Variants in CACNA1C observed in about 807,000 individuals in gnomAD.
The protein encoded by CACNA1C is voltage-dependent L-type calcium channel subunit alpha-1C.
A neutral mutation model predicts 229.0 loss-of-function variants in CACNA1C; 30 were observed. The observed-to-expected ratio is 0.13, with a 90% CI of 0.10 to 0.18. CACNA1C has a LOEUF of 0.18. CACNA1C is among the 10% of genes least tolerant of loss of function. CACNA1C has a pLI of 1.00. For synonymous variants in CACNA1C, 1,114 were observed against 1,132.5 expected, an observed-to-expected ratio of 0.98 and a Z score of 0.33; for missense variants, 1,658 against 2,845.0, an observed-to-expected ratio of 0.58 and a Z score of 9.49.
chr12:2,684,208 G>C (rs1265705122), intron 43 of CACNA1C, among the ~76,000 whole-genome samples: 1 of 152,166 alleles, frequency 6.6e-6, no homozygotes, highest in Admixed American at 6.5e-5. Flanking sequence ...AGCATAGAAA[G>C]AAGAATCGAG....
intron 3 of CACNA1C, among the ~76,000 whole-genome samples, chr12:2,161,045 C>T (rs1193858216): frequency 6.6e-6 from 1 of 152,226 alleles, no homozygotes; most frequent in African/African-American, 2.4e-5. Context: ...TGGTCTCGAA[C>T]TTCTGGCCTC....
At chr12:2,138,908 T>A (rs1368082603) in intron 3 of CACNA1C, among the ~76,000 whole-genome samples, 1 of 150,722 alleles carries the variant, frequency 6.6e-6, no homozygotes, top group Non-Finnish European at 1.5e-5. Flanking sequence ...AAGTTTTCTC[T>A]GCTCCTCCAT....
intron 3 of CACNA1C, among the ~76,000 whole-genome samples, chr12:2,364,309 G>A (rs1209153925): frequency 6.6e-6 from 1 of 152,192 alleles, no homozygotes; most frequent in Non-Finnish European, 1.5e-5. Flanking sequence ...GTCTCTGAGA[G>A]TTGGTTTTCA....
At position 2,597,156 on chromosome 12, in the gene CACNA1C, C is replaced by A; in HGVS notation, c.2794-74C>A. On this transcript the variant is annotated intron_variant, in intron 20 of 46. Coordinates refer to ENST00000399655, the MANE Select transcript of CACNA1C (RefSeq NM_000719.7). The surrounding 1 kb of genome is among the most constrained non-coding windows in gnomAD (Gnocchi z 4.3). ...TGTGGCCCCTTTTCTGGTGAACATC[C>A]ACTGACCTCTCTTCCCGTCCTGCTT... 1.1e-6 allele frequency: 1 copy of A among 928,080 alleles called. No homozygotes were observed. The highest frequency in any genetic ancestry group is 1.8e-6 in the Non-Finnish European group (1 of 570,252). 57.5% of individuals were successfully genotyped at this position (928,080 alleles called of 1,614,324 possible).
chr12:2,000,012 T>C lies in CACNA1C; in HGVS notation c.139+28811T>C, dbSNP rs568758969. On this transcript the variant is annotated intron_variant, in intron 1 of 46. Coordinates refer to the CACNA1C transcript ENST00000682462. ...TAATTCCTATCTGCTGACAAATGTATATCCTGAGTGTACCTGAAGCACTAA... is the reference window on the plus strand; with the variant it reads ...TAATTCCTATCTGCTGACAAATGTACATCCTGAGTGTACCTGAAGCACTAA... Among the ~76,000 whole-genome samples, 22 of 152,314 alleles carry C rather than the reference T, an allele frequency of 1.4e-4. No homozygotes were observed. In the South Asian group the frequency reaches 1.9e-3, roughly 13 times the overall value.
chr12:2,546,916 G>A (rs1348791078), intron 9 of CACNA1C, among the ~76,000 whole-genome samples: 1 of 152,226 alleles, frequency 6.6e-6, no homozygotes, highest in Non-Finnish European at 1.5e-5. Context: ...ACCTGCAGGT[G>A]ACTCCATCCA....
intron 5 of CACNA1C, among the ~76,000 whole-genome samples, chr12:2,482,193 G>A (rs540972842): frequency 7.9e-5 from 12 of 152,370 alleles, no homozygotes; most frequent in South Asian, 2.1e-4. Flanking sequence ...AGATGGAAGC[G>A]AGAGCCTTTC....
In CACNA1C at chr12:2,486,784, G is replaced by A. The variant is rs1166644995; in HGVS notation, c.916+522G>A. ...ATTGTTTCTGCTTCTCCATTCACAG[G>A]CAGATGCCCCAGAGCCCCTATTCCA... On this transcript the variant is annotated intron_variant, in intron 6 of 46. Transcript: ENST00000399655. The surrounding 1 kb of genome is among the most constrained non-coding windows in gnomAD (Gnocchi z 4.9). Among the ~76,000 whole-genome samples, 1 of 152,126 alleles carries A rather than the reference G, an allele frequency of 6.6e-6. No individual in the cohort carries two copies. The highest frequency in any genetic ancestry group is 2.4e-5 in the African/African-American group (1 of 41,422).
rs148080334 is a variant in CACNA1C at position 2,223,118 on chromosome 12, C to A, written c.477+102688C>A. ...CTTGATTGTTCAAGGACAGGGATAT[C>A]CTACTTGGCTCTGCAAGACTCATAG... On this transcript the variant is annotated intron_variant, in intron 3 of 46. Transcript: ENST00000399655. 5.5e-3 allele frequency among the ~76,000 whole-genome samples: 831 copies of A among 152,272 alleles called. 3 individuals carry two copies. Among genetic ancestry groups the A allele is most frequent in the Middle Eastern group, 0.014 (4 of 294 alleles).
At chr12:2,572,297 TTCCTCCTCCTCC>T (rs144703116) in intron 13 of CACNA1C, among the ~76,000 whole-genome samples, 2 of 111,802 alleles carry the variant, frequency 1.8e-5, no homozygotes, top group African/African-American at 3.5e-5. Flanking sequence ...TTGATTATTA[TTCCTCCTCCTCC>T]TCCTCCTCCT....
intron 3 of CACNA1C, among the ~76,000 whole-genome samples, chr12:2,426,369 G>C (rs762450038): frequency 7.2e-5 from 11 of 152,208 alleles, no homozygotes; most frequent in Non-Finnish European, 1.5e-4. Flanking sequence ...TAAGTGCCAA[G>C]AGAGTGGCAT....
intron 42 of CACNA1C, chr12:2,680,421 AG>A: frequency 1.9e-6 from 3 of 1,561,344 alleles, no homozygotes; most frequent in Non-Finnish European, 2.6e-6. Flanking sequence ...GGGCCCCCGC[AG>A]GGCTCCTCCC....
intron 9 of CACNA1C, among the ~76,000 whole-genome samples, chr12:2,519,523 T>C (rs1051884882): frequency 6.6e-6 from 1 of 152,208 alleles, no homozygotes; most frequent in African/African-American, 2.4e-5. Flanking sequence ...TCTCAACTCT[T>C]GGAAGGCACC....
At chr12:2,435,907 A>C (rs1443174090) in intron 3 of CACNA1C, among the ~76,000 whole-genome samples, 3 of 152,238 alleles carry the variant, frequency 2.0e-5, no homozygotes, top group African/African-American at 7.2e-5. Context: ...CCAAACGAGC[A>C]GTGGACAGAC....
chr12:2,146,754 G>A (rs897751876), intron 3 of CACNA1C, among the ~76,000 whole-genome samples: 9 of 151,160 alleles, frequency 6.0e-5, no homozygotes, highest in East Asian at 1.9e-4. Flanking sequence ...AACCAAACTC[G>A]CGTAGCCTTC....
chr12:2,683,817 G>C (rs371304015), intron 43 of CACNA1C, among the ~76,000 whole-genome samples: 1 of 152,210 alleles, frequency 6.6e-6, no homozygotes, highest in Admixed American at 6.5e-5. Context: ...ACTCTGGAAC[G>C]GCAGCACAGT....
At chr12:2,554,875 A>G (rs2043211080) in intron 10 of CACNA1C, among the ~76,000 whole-genome samples, 2 of 152,186 alleles carry the variant, frequency 1.3e-5, no homozygotes, top group Admixed American at 6.5e-5. Context: ...CCTGCCTGAC[A>G]TGGAACTTAG....
intron 3 of CACNA1C, among the ~76,000 whole-genome samples, chr12:2,290,413 A>T (rs1377940039): frequency 6.6e-6 from 1 of 152,222 alleles, no homozygotes. Flanking sequence ...GCAGGGTGGC[A>T]GTCCCACAAC....
In CACNA1C at chr12:2,320,609, G is replaced by C. The variant is rs146241711; in HGVS notation, c.478-128367G>C. 5.3e-3 allele frequency among the ~76,000 whole-genome samples: 807 copies of C among 152,312 alleles called. 14 individuals are homozygous for C. Among genetic ancestry groups the C allele is most frequent in the African/African-American group, 0.019 (773 of 41,554 alleles). On this transcript the variant is annotated intron_variant, in intron 3 of 46. Transcript: ENST00000399655. The stretch of plus-strand genomic sequence containing the variant: ...CTTGTGGTATAGAGGAAGGAGAAGG[G>C]GAGGGCTGGTTTCTCTGGGGTTTCT...
Sources: gnomAD v4.1 joint callset for allele counts (sites outside exome capture counted in the v4.1 genomes callset) on GRCh38, gnomAD v4.1.1 for gene constraint, Gnocchi (gnomAD v3.1) non-coding constraint, MANE v1.5 for transcripts, NCBI Gene and HGNC (gene_info 2026-07-23, HGNC 2026-07-21) for gene names.